EPRS1: variants seen among roughly 807,000 people sequenced by gnomAD.
The protein encoded by EPRS1 is glutamyl-prolyl-tRNA synthetase 1, also known as bifunctional glutamate/proline--tRNA ligase.
In EPRS1, 107 loss-of-function variants were observed where a neutral mutation model predicts 188.3. The ratio of observed to expected loss-of-function variants is 0.57; its 90% confidence interval spans 0.49 to 0.67. EPRS1 has a LOEUF of 0.67. Ranked by LOEUF, EPRS1 falls within the 30% of genes least tolerant of loss-of-function variation. The probability of loss-of-function intolerance (pLI) is 0.00; values close to 1 mark genes in which losing one functional copy is unlikely to be tolerated. For synonymous variants in EPRS1, 596 were observed against 593.1 expected (o/e 1.00, Z -0.07); for missense variants, 1,577 against 1,802.2 (o/e 0.88, Z 2.26).
chr1:220,012,018 G>C (rs1427421307), intron 12 of EPRS1, among the ~76,000 whole-genome samples: 1 of 151,836 alleles, frequency 6.6e-6, no homozygotes, highest in African/African-American at 2.4e-5. Context: ...TTTTTTGTCA[G>C]TGTTGAAGGT....
intron 20 of EPRS1, among the ~76,000 whole-genome samples, chr1:219,985,168 C>T (rs958595965): frequency 1.3e-5 from 2 of 151,938 alleles, no homozygotes; most frequent in African/African-American, 2.4e-5. Context: ...TCTATGCAGA[C>T]ATCTCTTTTA....
chr1:219,997,149 T>C lies in EPRS1; in HGVS notation c.2375A>G (p.Lys792Arg), dbSNP rs1456075719. 1.2e-6 allele frequency: 2 copies of C among 1,614,004 alleles called. No homozygotes were observed. The highest frequency in any genetic ancestry group is 1.7e-6 in the Non-Finnish European group (2 of 1,179,982). The change falls in exon 18 of 32, where the codon AAG (lysine) becomes AGG (arginine). Residue 792 changes from lysine to arginine, a missense_variant. This residue lies in a region of EPRS1 where 1,278 missense variants were observed against 1,457.4 expected (regional missense o/e 0.88). Transcript: ENST00000366923. The part of the protein sequence containing the change: ...KQLLSLKAEY[K>R]EKTGQEYKPG... ...TTTATATTCCTGGCCAGTTTTCTCC[T>C]TATATTCAGCTTTCAAAGACAAAAG... is the stretch of plus-strand genomic sequence containing the variant.
intron 2 of EPRS1, among the ~76,000 whole-genome samples, chr1:220,035,558 G>C (rs905818383): frequency 1.2e-4 from 19 of 152,320 alleles, no homozygotes; most frequent in African/African-American, 3.6e-4. Flanking sequence ...GCCAAGTGTG[G>C]TGACTCACAC....
At chr1:219,999,012 G>A (rs1053735610) in intron 17 of EPRS1, among the ~76,000 whole-genome samples, 4 of 151,134 alleles carry the variant, frequency 2.6e-5, no homozygotes, top group African/African-American at 9.7e-5. Context: ...GCAGGAACAA[G>A]CTTTTCATAA....
chr1:219,969,746 T>A (rs751103358), intron 30 of EPRS1, among the ~76,000 whole-genome samples: 1 of 152,184 alleles, frequency 6.6e-6, no homozygotes, highest in Non-Finnish European at 1.5e-5. Flanking sequence ...ATTTTGAAAT[T>A]TGCCATGTGT....
At position 220,022,534 on chromosome 1, in the gene EPRS1, T is replaced by C. The variant is rs748264238; in HGVS notation, c.944-16A>G. Reference sequence around the variant, plus strand: ...TTCTCAATAGCTATAAAATGATAATTACATTACGGTTCACTAATCTGGTTA... The same window carrying C: ...TTCTCAATAGCTATAAAATGATAATCACATTACGGTTCACTAATCTGGTTA... On this transcript the variant is annotated splice_polypyrimidine_tract_variant and intron_variant, in intron 8 of 31. Transcript: ENST00000366923. 6.3e-7 allele frequency: 1 copy of C among 1,578,202 alleles called. No individual in the cohort carries two copies. Among genetic ancestry groups the C allele is most frequent in the South Asian group, 1.1e-5 (1 of 88,142 alleles).
At chr1:219,975,269 C>T (rs1660754669) in intron 28 of EPRS1, among the ~76,000 whole-genome samples, 2 of 152,090 alleles carry the variant, frequency 1.3e-5, no homozygotes, top group African/African-American at 4.8e-5. Flanking sequence ...AGCCCATTCA[C>T]GCAGAGGAGG....
chr1:219,994,174 T>C (rs1661178606), intron 18 of EPRS1, among the ~76,000 whole-genome samples: 1 of 152,200 alleles, frequency 6.6e-6, no homozygotes, highest in Non-Finnish European at 1.5e-5. Flanking sequence ...ATTCTCCCCA[T>C]GTCTGTGTGA....
At chr1:219,982,942 T>C (rs1188444793) in intron 22 of EPRS1, 98 bp from the exon 23 acceptor site, 9 of 1,130,348 alleles carry the variant, frequency 8.0e-6, no homozygotes, top group South Asian at 1.3e-5. Context: ...ATTTTTGCTA[T>C]ATCAATTTAG....
chr1:219,981,946 T>C (rs1323079255), intron 23 of EPRS1, among the ~76,000 whole-genome samples: 4 of 152,214 alleles, frequency 2.6e-5, no homozygotes, highest in African/African-American at 4.8e-5. Context: ...TTAATTTATA[T>C]CTGATGCATC....
intron 13 of EPRS1, among the ~76,000 whole-genome samples, chr1:220,010,431 GGATT>G (rs1661579442): frequency 6.6e-6 from 1 of 152,036 alleles, no homozygotes; most frequent in East Asian, 1.9e-4. Context: ...GATGTACTAT[GGATT>G]GTTACTAAAA....
intron 6 of EPRS1, 74 bp downstream of exon 6, chr1:220,030,312 T>C (rs539336956): frequency 6.5e-6 from 6 of 918,770 alleles, no homozygotes; most frequent in Non-Finnish European, 1.1e-5. Flanking sequence ...ATTAATACTT[T>C]AAGTATTTAA....
chr1:220,008,532 A>G (rs1352272450), intron 13 of EPRS1, among the ~76,000 whole-genome samples: 1 of 152,218 alleles, frequency 6.6e-6, no homozygotes, highest in African/African-American at 2.4e-5. Context: ...TACTAAGCTC[A>G]GAATAGAATA....
chr1:220,034,890 CACA>C (rs1558062005), intron 3 of EPRS1, 21 bp downstream of exon 3: 1 of 1,318,474 alleles, frequency 7.6e-7, no homozygotes, highest in Admixed American at 1.7e-5. Context: ...ACAAAACACA[CACA>C]ACAAAATGTT....
At chr1:220,031,887 T>C (rs1273164761) in intron 5 of EPRS1, among the ~76,000 whole-genome samples, 1 of 152,186 alleles carries the variant, frequency 6.6e-6, no homozygotes, top group Non-Finnish European at 1.5e-5. Context: ...ATACACTGGA[T>C]GATCAAAATA....
At chr1:220,032,026 G>A (rs1662093094) in intron 5 of EPRS1, among the ~76,000 whole-genome samples, 1 of 151,824 alleles carries the variant, frequency 6.6e-6, no homozygotes, top group African/African-American at 2.4e-5. Context: ...TAAACTTTAT[G>A]AGTAGGAATA....
At chr1:219,983,890 T>C (rs527280603) in intron 21 of EPRS1, among the ~76,000 whole-genome samples, 1 of 81,320 alleles carries the variant, frequency 1.2e-5, no homozygotes, top group African/African-American at 4.7e-5. Context: ...GATACTCCCG[T>C]CTCAAAAAAA....
Position 220,020,086 on chromosome 1 carries a change from TTTTCTTATGC to T in EPRS1, c.1241_1250del (p.Gly414AspfsTer10). 6.2e-7 allele frequency: 1 copy of T among 1,613,960 alleles called. No individual in the cohort carries two copies. Among genetic ancestry groups the T allele is most frequent in the Non-Finnish European group, 8.5e-7 (1 of 1,179,870 alleles). ...GCCGACTATATTCCCAAATATATGG[TTTTCTTATGC>T]CTAAAGCTTCAATAATCCAGTAAAA... On this transcript the variant is annotated frameshift_variant, in exon 10 of 32. Coordinates refer to ENST00000366923, the MANE Select transcript of EPRS1 (RefSeq NM_004446.3). LOFTEE classifies it high-confidence loss of function.
At chr1:220,040,685 T>C (rs997247722) in intron 1 of EPRS1, among the ~76,000 whole-genome samples, 1 of 151,990 alleles carries the variant, frequency 6.6e-6, no homozygotes, top group Non-Finnish European at 1.5e-5. Context: ...ACCCCGTCTC[T>C]ACTAAAAATA....
Sources: gnomAD v4.1 joint callset for allele counts (sites outside exome capture counted in the v4.1 genomes callset) on GRCh38, gnomAD v4.1.1 for gene constraint, gnomAD v4.1.1 regional missense constraint, MANE v1.5 for transcripts, NCBI Gene and HGNC (gene_info 2026-07-23, HGNC 2026-07-21) for gene names.